SHC4: variants seen among roughly 807,000 people sequenced by gnomAD.
SHC4 encodes SHC adaptor protein 4, also known as SHC-transforming protein 4.
SHC4 carries 41 observed loss-of-function variants against 69.4 expected under a neutral mutation model. The ratio of observed to expected loss-of-function variants is 0.59; its 90% CI spans 0.46 to 0.77. The LOEUF is 0.77. Ranked by LOEUF, SHC4 falls within the 30% of genes least tolerant of loss-of-function variation. The probability of loss-of-function intolerance (pLI) is 0.00; values close to 1 mark genes in which losing one functional copy is unlikely to be tolerated. For missense variants in SHC4, 777 were observed against 783.8 expected (o/e 0.99, Z 0.10); for synonymous variants, 318 against 299.3 (o/e 1.06, Z -0.64).
At chr15:48,842,386 C>T (rs1452382154) in intron 10 of SHC4, among the ~76,000 whole-genome samples, 1 of 152,220 alleles carries the variant, frequency 6.6e-6, no homozygotes, top group East Asian at 1.9e-4. Context: ...CTGGCCTTGA[C>T]AGCCCTACTT....
chr15:48,893,235 G>C (rs1273661390), intron 2 of SHC4, among the ~76,000 whole-genome samples: 2 of 152,156 alleles, frequency 1.3e-5, no homozygotes, highest in African/African-American at 2.4e-5. Context: ...AAGAACATAG[G>C]TGAAGACACC....
intron 2 of SHC4, among the ~76,000 whole-genome samples, chr15:48,900,689 C>T (rs1900306342): frequency 6.6e-6 from 1 of 152,040 alleles, no homozygotes; most frequent in Admixed American, 6.6e-5. Flanking sequence ...AATCTATTTG[C>T]CCCTAAAATG....
At chr15:48,936,885 C>T (rs1353249320) in intron 1 of SHC4, among the ~76,000 whole-genome samples, 1 of 152,142 alleles carries the variant, frequency 6.6e-6, no homozygotes, top group Non-Finnish European at 1.5e-5. Context: ...ATTGAAAATC[C>T]CTTACACAGG....
At chr15:48,914,842 C>T (rs753939277) in intron 2 of SHC4, among the ~76,000 whole-genome samples, 2 of 152,090 alleles carry the variant, frequency 1.3e-5, no homozygotes, top group East Asian at 1.9e-4. Flanking sequence ...CAACTATCAC[C>T]GCCATCCATC....
chr15:48,833,734 C>T lies in SHC4; in HGVS notation c.1737+1035G>A, dbSNP rs983442742. 3.9e-5 allele frequency among the ~76,000 whole-genome samples: 6 copies of T among 152,332 alleles called. 1 individual carries two copies. In the South Asian group the frequency reaches 6.2e-4, roughly 16 times the overall value. On this transcript the variant is annotated intron_variant, in intron 11 of 11. Coordinates refer to ENST00000332408, the MANE Select transcript of SHC4 (RefSeq NM_203349.4). ...AACATGGCATGCAAGCTCTACTCTCCTCTTTCCCCCATTCCCCCAAGGGAG... is the reference window on the plus strand; with the variant it reads ...AACATGGCATGCAAGCTCTACTCTCTTCTTTCCCCCATTCCCCCAAGGGAG...
chr15:48,961,323 C>T (rs1282980949), intron 1 of SHC4, among the ~76,000 whole-genome samples: 2 of 152,206 alleles, frequency 1.3e-5, no homozygotes, highest in African/African-American at 4.8e-5. Context: ...TTAAGAGCTT[C>T]AGTCAACTTC....
chr15:48,878,558 C>T, intron 4 of SHC4: 2 of 1,614,066 alleles, frequency 1.2e-6, no homozygotes, highest in Non-Finnish European at 1.7e-6. Flanking sequence ...ATCAGCCGCT[C>T]TTGAAGAAGC....
At chr15:48,876,623 G>A (rs1447018259) in intron 4 of SHC4, 1 of 695,658 alleles carries the variant, frequency 1.4e-6, no homozygotes, top group East Asian at 2.7e-5. Context: ...TGAAACTGAA[G>A]AACTTGGGAA....
chr15:48,867,047 G>C (rs1480869401), intron 6 of SHC4, among the ~76,000 whole-genome samples: 3 of 152,178 alleles, frequency 2.0e-5, no homozygotes, highest in Non-Finnish European at 4.4e-5. Flanking sequence ...GTGAGTGCTA[G>C]GGAACAACAG....
intron 6 of SHC4, among the ~76,000 whole-genome samples, chr15:48,859,071 A>G (rs1012646909): frequency 6.6e-6 from 1 of 152,210 alleles, no homozygotes; most frequent in Non-Finnish European, 1.5e-5. Flanking sequence ...GCTAACTTGG[A>G]AGCATGATTT....
intron 10 of SHC4, among the ~76,000 whole-genome samples, chr15:48,838,565 G>A (rs1000625142): frequency 3.9e-5 from 6 of 152,164 alleles, no homozygotes; most frequent in Non-Finnish European, 8.8e-5. Flanking sequence ...GCATAAATGA[G>A]AGAGAGGTTC....
chr15:48,935,095 A>G (rs745400788), intron 1 of SHC4, among the ~76,000 whole-genome samples: 4 of 152,244 alleles, frequency 2.6e-5, no homozygotes, highest in Non-Finnish European at 5.9e-5. Context: ...ATCTCAATAA[A>G]TCAATTACCA....
At chr15:48,839,550 A>G (rs1898956094) in intron 10 of SHC4, among the ~76,000 whole-genome samples, 1 of 152,218 alleles carries the variant, frequency 6.6e-6, no homozygotes, top group Non-Finnish European at 1.5e-5. Flanking sequence ...CTCCACTTCC[A>G]GCTCATGTAG....
intron 10 of SHC4, among the ~76,000 whole-genome samples, chr15:48,840,189 G>A (rs1898966236): frequency 6.6e-6 from 1 of 152,226 alleles, no homozygotes; most frequent in South Asian, 2.1e-4. Context: ...TAATCTTTGA[G>A]CTTTTAGGTA....
intron 2 of SHC4, among the ~76,000 whole-genome samples, chr15:48,917,439 C>T (rs1342812519): frequency 6.6e-6 from 1 of 152,010 alleles, no homozygotes; most frequent in African/African-American, 2.4e-5. Context: ...TTCTCTCTTC[C>T]CTTGTTTCCT....
intron 8 of SHC4, among the ~76,000 whole-genome samples, chr15:48,854,472 C>T (rs1234360034): frequency 1.3e-5 from 2 of 152,162 alleles, no homozygotes; most frequent in Admixed American, 1.3e-4. Context: ...ACTGGGTATA[C>T]ACCCAAAGGA....
At chr15:48,916,754 A>G (rs1039392531) in intron 2 of SHC4, among the ~76,000 whole-genome samples, 1 of 152,170 alleles carries the variant, frequency 6.6e-6, no homozygotes, top group Admixed American at 6.5e-5. Context: ...AATCACACAA[A>G]GGAGGAAAAC....
At chr15:48,851,832 G>A (rs1899220618) in intron 8 of SHC4, among the ~76,000 whole-genome samples, 2 of 152,134 alleles carry the variant, frequency 1.3e-5, no homozygotes, top group African/African-American at 4.8e-5. Flanking sequence ...AGGGTTTGAG[G>A]GAATGAGATT....
chr15:48,856,786 A>AAC (rs1374782962), intron 7 of SHC4, among the ~76,000 whole-genome samples: 2 of 152,026 alleles, frequency 1.3e-5, no homozygotes, highest in African/African-American at 4.8e-5. Context: ...AAAAAAAAAA[A>AAC]AAAACAAGAA....
Sources: gnomAD v4.1 joint callset for allele counts (sites outside exome capture counted in the v4.1 genomes callset) on GRCh38, gnomAD v4.1.1 for gene constraint, MANE v1.5 for transcripts, NCBI Gene and HGNC (gene_info 2026-07-23, HGNC 2026-07-21) for gene names.